The following RNF141 variants were observed in gnomAD, a reference collection of about 807,000 sequenced individuals.
The protein encoded by RNF141 is C3HC4-like zinc finger protein.
In RNF141, 18 loss-of-function variants were observed where a neutral mutation model predicts 27.4. The ratio of observed to expected loss-of-function variants is 0.66; its 90% CI spans 0.45 to 0.97. The LOEUF (loss-of-function observed/expected upper bound fraction) is 0.97, where lower values mean the gene tolerates loss of function less well. RNF141 is among the 50% of genes least tolerant of loss of function. RNF141 has a pLI of 0.00. For synonymous variants in RNF141, 97 were observed against 96.6 expected, an observed-to-expected ratio of 1.00 and a Z score of -0.02; for missense variants, 230 against 279.4, an observed-to-expected ratio of 0.82 and a Z score of 1.26.
At chr11:10,520,921 C>T (rs979319487) in intron 4 of RNF141, among the ~76,000 whole-genome samples, 12 of 152,174 alleles carry the variant, frequency 7.9e-5, no homozygotes, top group African/African-American at 2.9e-4. Flanking sequence ...ATGTGTAACA[C>T]AAAGCTCCCT....
chr11:10,519,568 ATAC>A (rs912037952), intron 4 of RNF141, among the ~76,000 whole-genome samples: 6 of 149,264 alleles, frequency 4.0e-5, no homozygotes, highest in African/African-American at 1.5e-4. Context: ...TAGTGTACTT[ATAC>A]AAACCTAGAT....
chr11:10,531,781 A>C (rs1320802015), intron 2 of RNF141: 1 of 244,690 alleles, frequency 4.1e-6, no homozygotes, highest in Non-Finnish European at 8.2e-6. Context: ...ATCACACTCA[A>C]CTAACAGCTA....
At position 10,530,763 on chromosome 11, in the gene RNF141, C is replaced by G; in HGVS notation, c.144-12G>C. 3.3e-6 allele frequency: 5 copies of G among 1,522,278 alleles called. No individual in the cohort carries two copies. The South Asian group carries it at 4.8e-5, about 15-fold the overall frequency. The allele number at this position is 1,522,278 out of a possible 1,614,324, so 94.3% of individuals were successfully genotyped here. A position where few individuals can be genotyped will look rare whatever the true frequency, so the allele number is the denominator to read the frequency against. On this transcript the variant is annotated splice_polypyrimidine_tract_variant and intron_variant, in intron 2 of 5. Coordinates refer to ENST00000265981, the MANE Select transcript of RNF141 (RefSeq NM_016422.4). ...CCACTTTAGCCGTTCTGAAAAGAGA[C>G]AAGAACATGTTAATTTTATGAAAAA...
chr11:10,528,617 C>A (rs1849959927), intron 3 of RNF141, among the ~76,000 whole-genome samples: 1 of 152,138 alleles, frequency 6.6e-6, no homozygotes, highest in Non-Finnish European at 1.5e-5. Context: ...ATATTGGCCT[C>A]TTCAATGTGA....
intron 1 of RNF141, among the ~76,000 whole-genome samples, chr11:10,534,783 T>C (rs1850019739): frequency 6.6e-6 from 1 of 152,112 alleles, no homozygotes; most frequent in African/African-American, 2.4e-5. Context: ...TACATTCTTA[T>C]CCACTATGAC....
chr11:10,518,875 A>G, intron 5 of RNF141, 159 bp downstream of exon 5: 1 of 492,512 alleles, frequency 2.0e-6, no homozygotes, highest in East Asian at 3.2e-5. Context: ...AAAAACAAAA[A>G]TAGTTTTAAC....
rs1591495252 is a variant in RNF141 at position 10,514,581 on chromosome 11, A to G, written c.*335T>C. 1 of 186,608 alleles carries G rather than the reference A, an allele frequency of 5.4e-6. No individual in the cohort carries two copies. The highest frequency in any genetic ancestry group is 6.2e-5 in the Admixed American group (1 of 16,260). 11.6% of individuals were successfully genotyped at this position (186,608 alleles called of 1,614,324 possible). Reference sequence around the variant, plus strand: ...TATCTAAGTAAAAAGATTCCAGAATACTCCTGCCCTGCAAAACAGTAGTGT... The same window carrying G: ...TATCTAAGTAAAAAGATTCCAGAATGCTCCTGCCCTGCAAAACAGTAGTGT... On this transcript the variant is annotated 3_prime_UTR_variant, in exon 6 of 6. Transcript: ENST00000265981.
At chr11:10,528,037 T>A (rs1849953817) in intron 3 of RNF141, among the ~76,000 whole-genome samples, 1 of 152,234 alleles carries the variant, frequency 6.6e-6, no homozygotes, top group Non-Finnish European at 1.5e-5. Flanking sequence ...TACCTAGTTT[T>A]TAATTAATCT....
In RNF141 at chr11:10,514,370, C is replaced by A. The variant is rs1849826259; in HGVS notation, c.*546G>T. 6.6e-6 allele frequency: 1 copy of A among 152,510 alleles called. No individual in the cohort carries two copies. Among genetic ancestry groups the A allele is most frequent in the Non-Finnish European group, 1.5e-5 (1 of 68,034 alleles). The allele number at this position is 152,510 out of a possible 1,614,324, so 9.4% of individuals were successfully genotyped here. ...GTTATGAAATAATTGTGGATCATTT[C>A]AAGTAAAAATTATTAAAGGAGCAAT... is the stretch of plus-strand genomic sequence containing the variant. On this transcript the variant is annotated 3_prime_UTR_variant, in exon 6 of 6. Coordinates refer to ENST00000265981, the MANE Select transcript of RNF141 (RefSeq NM_016422.4).
At chr11:10,522,535 A>G (rs1285476348) in intron 4 of RNF141, among the ~76,000 whole-genome samples, 1 of 152,224 alleles carries the variant, frequency 6.6e-6, no homozygotes, top group Non-Finnish European at 1.5e-5. Flanking sequence ...AGAAAAGACC[A>G]TCTGGGAAAG....
At chr11:10,532,243 T>C (rs1849993333) in intron 2 of RNF141, among the ~76,000 whole-genome samples, 1 of 152,188 alleles carries the variant, frequency 6.6e-6, no homozygotes, top group African/African-American at 2.4e-5. Flanking sequence ...ATTCCACTCT[T>C]ATGTTACTAA....
chr11:10,526,657 CCTATAGTCCCAG>C (rs1849938474), intron 3 of RNF141, among the ~76,000 whole-genome samples: 1 of 152,090 alleles, frequency 6.6e-6, no homozygotes, highest in Non-Finnish European at 1.5e-5. Flanking sequence ...GTGGCACACG[CCTATAGTCCCAG>C]CTACTTGGGA....
In RNF141 at chr11:10,540,690, G is replaced by A. The variant is rs575702489; in HGVS notation, c.-48+432C>T. 5.9e-5 allele frequency: 9 copies of A among 152,340 alleles called. No individual in the cohort carries two copies. The South Asian group carries it at 1.2e-3, about 21-fold the overall frequency. The allele number at this position is 152,340 out of a possible 1,614,324, so 9.4% of individuals were successfully genotyped here. On this transcript the variant is annotated intron_variant, in intron 1 of 5. Coordinates refer to ENST00000265981, the MANE Select transcript of RNF141 (RefSeq NM_016422.4). ...TTGGGTGTCCAGCCCGGCGGAGACC[G>A]AGCCCGCGGGCCACCCTAGCGCTCG...
In RNF141 at chr11:10,515,169, T is replaced by C; in HGVS notation, c.543-103A>G. 3 of 1,263,046 alleles carry C rather than the reference T, an allele frequency of 2.4e-6. No homozygotes were observed. In the East Asian group the frequency reaches 7.3e-5, roughly 31 times the overall value. The allele number at this position is 1,263,046 out of a possible 1,614,324, so 78.2% of individuals were successfully genotyped here. On this transcript the variant is annotated intron_variant, in intron 5 of 5. Transcript: ENST00000265981. ...CATGGCTTTTAAAAAGGAAATAGCA[T>C]AGAAATATATAGTGAAAAATAAATC...
At chr11:10,527,402 T>C (rs1345908048) in intron 3 of RNF141, among the ~76,000 whole-genome samples, 3 of 150,574 alleles carry the variant, frequency 2.0e-5, no homozygotes, top group Admixed American at 6.6e-5. Flanking sequence ...AAATGAGTCA[T>C]ATAGATGTCT....
Position 10,513,025 on chromosome 11 carries a change from C to T in RNF141, c.*1891G>A, listed in dbSNP as rs892411527. The T allele has an allele frequency of 3.3e-5, 5 of 152,158 alleles. No homozygotes were observed. The highest frequency in any genetic ancestry group is 1.2e-4 in the African/African-American group (5 of 41,424). The allele number at this position is 152,158 out of a possible 1,614,324, so 9.4% of individuals were successfully genotyped here. A position where few individuals can be genotyped will look rare whatever the true frequency, so the allele number is the denominator to read the frequency against. On this transcript the variant is annotated 3_prime_UTR_variant, in exon 6 of 6. Coordinates refer to ENST00000265981, the MANE Select transcript of RNF141 (RefSeq NM_016422.4). ...TGCTGCTGAAATAGTGTGAAAACCACAAATAAAGTCTCAGTTTCTAAAGTA... is the reference window on the plus strand; with the variant it reads ...TGCTGCTGAAATAGTGTGAAAACCATAAATAAAGTCTCAGTTTCTAAAGTA...
intron 1 of RNF141, 133 bp downstream of exon 1, chr11:10,540,989 G>T (rs1591503671): frequency 1.3e-5 from 2 of 152,202 alleles, no homozygotes; most frequent in Non-Finnish European, 2.9e-5. Flanking sequence ...CGGGGAGGGC[G>T]GCGGGGCTAG....
At chr11:10,531,587 C>T (rs1849987317) in intron 2 of RNF141, among the ~76,000 whole-genome samples, 1 of 152,144 alleles carries the variant, frequency 6.6e-6, no homozygotes. Context: ...GCTCTACTGT[C>T]CTCCCCTAGC....
intron 4 of RNF141, among the ~76,000 whole-genome samples, chr11:10,523,148 TTGC>T (rs895641125): frequency 1.3e-5 from 2 of 152,236 alleles, no homozygotes; most frequent in African/African-American, 4.8e-5. Flanking sequence ...AAGCAGAGTC[TTGC>T]TATTCAAAGT....
Sources: allele counts gnomAD v4.1 joint callset (sites outside exome capture counted in the v4.1 genomes callset), GRCh38; gene constraint gnomAD v4.1.1; transcripts MANE v1.5; gene names NCBI Gene and HGNC (gene_info 2026-07-23, HGNC 2026-07-21).